Variants in RC3H2 observed in about 807,000 individuals in gnomAD.
RC3H2 encodes the protein roquin-2.
A neutral mutation model predicts 133.3 loss-of-function variants in RC3H2; 31 were observed. The observed-to-expected ratio is 0.23, with a 90% CI of 0.17 to 0.31. The LOEUF (loss-of-function observed/expected upper bound fraction) is 0.31. Ranked by LOEUF, RC3H2 falls within the 10% of genes least tolerant of loss-of-function variation. The probability of loss-of-function intolerance (pLI) is 1.00; values close to 1 mark genes in which losing one functional copy is unlikely to be tolerated. For synonymous variants in RC3H2, 517 were observed against 502.2 expected (o/e 1.03, Z -0.40); for missense variants, 1,175 against 1,437.2 (o/e 0.82, Z 2.95).
At chr9:122,888,996 A>G (rs1021863913) in intron 4 of RC3H2, among the ~76,000 whole-genome samples, 9 of 152,224 alleles carry the variant, frequency 5.9e-5, no homozygotes, top group Non-Finnish European at 1.3e-4. Flanking sequence ...AGACTTTAAG[A>G]TTCTGCCAAT....
At chr9:122,869,799 A>T (rs1281235641) in intron 9 of RC3H2, among the ~76,000 whole-genome samples, 1 of 152,024 alleles carries the variant, frequency 6.6e-6, no homozygotes, top group African/African-American at 2.4e-5. Flanking sequence ...CAAACTCCTG[A>T]CCTCAAGTGA....
Position 122,897,328 on chromosome 9 carries a change from A to G in RC3H2, c.182T>C (p.Ile61Thr). The G allele has an allele frequency of 6.2e-7, 1 of 1,614,212 alleles. No individual in the cohort carries two copies. Among genetic ancestry groups the G allele is most frequent in the Admixed American group, 1.7e-5 (1 of 60,024 alleles). The change falls in exon 2 of 21, where the codon ATT becomes ACT. Residue 61 changes from isoleucine to threonine, a missense_variant. Physicochemically the swap from Ile to Thr is moderately conservative, Grantham distance 89. Coordinates refer to ENST00000357244, the MANE Select transcript of RC3H2 (RefSeq NM_001100588.3). The part of the protein sequence containing the change: ...PFDQTAINTD[I>T]DVLPVNFALL... ...TGCGAAGTTGACAGGAAGTACATCA[A>G]TATCTGTGTTGATGGCAGTCTGGTC...
chr9:122,872,137 G>A (rs1047384507), intron 9 of RC3H2, among the ~76,000 whole-genome samples: 1 of 152,162 alleles, frequency 6.6e-6, no homozygotes, highest in African/African-American at 2.4e-5. Context: ...ATGGCCAAGA[G>A]AACCACTGAT....
At chr9:122,896,173 G>C (rs1465668970) in intron 2 of RC3H2, among the ~76,000 whole-genome samples, 2 of 151,340 alleles carry the variant, frequency 1.3e-5, no homozygotes, top group Admixed American at 1.3e-4. Context: ...ATTCAAAGCT[G>C]TCCTGGGCTG....
At position 122,854,058 on chromosome 9, in the gene RC3H2, C is replaced by T; in HGVS notation, c.3011G>A (p.Arg1004Lys). The change falls in exon 18 of 21, where the codon AGA becomes AAA. Residue 1004 changes from arginine to lysine, a missense_variant. Physicochemically the swap from Arg to Lys is conservative, Grantham distance 26. Coordinates refer to ENST00000357244, the MANE Select transcript of RC3H2 (RefSeq NM_001100588.3). ...TTGCATGGCCAAAGCATTGGCCTCT[C>T]TCTGAAGAAGTAATGAGTTGCTCTT... is the stretch of plus-strand genomic sequence containing the variant. ...QAKSNSLLLQ[R>K]EANALAMQQK... 1 of 1,614,070 alleles carries T rather than the reference C, an allele frequency of 6.2e-7. No individual in the cohort carries two copies. Among genetic ancestry groups the T allele is most frequent in the Non-Finnish European group, 8.5e-7 (1 of 1,180,038 alleles).
At chr9:122,855,435 G>T (rs374287508) in intron 14 of RC3H2, 38 bp from the exon 15 acceptor site, 1 of 1,550,370 alleles carries the variant, frequency 6.5e-7, no homozygotes, top group Non-Finnish European at 8.9e-7. Context: ...AGGACTGTTG[G>T]CAATTACTTC....
chr9:122,868,839 ATGTGTGTGTGTGTGTGTGTG>A (rs36205979), intron 9 of RC3H2, among the ~76,000 whole-genome samples: 7,323 of 118,934 alleles, frequency 0.062, 487 homozygotes, highest in Middle Eastern at 0.11. Flanking sequence ...TCCCTCCTAT[ATGTGTGTGTGTGTGTGTGTG>A]TGTGTGTGTG....
chr9:122,899,363 T>G (rs1241629309), intron 1 of RC3H2, among the ~76,000 whole-genome samples: 1 of 152,092 alleles, frequency 6.6e-6, no homozygotes, highest in African/African-American at 2.4e-5. Context: ...GTGCTGGGAT[T>G]GCAGGCGTGA....
chr9:122,904,183 T>G (rs765284341), intron 1 of RC3H2, among the ~76,000 whole-genome samples: 2 of 151,406 alleles, frequency 1.3e-5, no homozygotes, highest in Non-Finnish European at 2.9e-5. Flanking sequence ...AGAGTAGAAA[T>G]GAAAAAAAGG....
At chr9:122,851,577 G>A (rs1347718209) in intron 18 of RC3H2, 141 bp from the exon 19 acceptor site, 3 of 1,118,544 alleles carry the variant, frequency 2.7e-6, no homozygotes, top group Admixed American at 2.7e-5. Context: ...CTGCCATCTC[G>A]GCTCACTGCA....
intron 3 of RC3H2, among the ~76,000 whole-genome samples, chr9:122,892,587 A>G (rs940525905): frequency 2.6e-5 from 4 of 151,870 alleles, no homozygotes; most frequent in African/African-American, 2.4e-5. Flanking sequence ...AATTTTTTGT[A>G]TTTTTAGTAG....
rs1832380454 is a variant in RC3H2, at chr9:122,895,503, T to C, written c.231+1776A>G. Among the ~76,000 whole-genome samples the C allele has an allele frequency of 4.6e-5, 7 of 152,146 alleles. No homozygotes were observed. In the South Asian group the frequency reaches 1.0e-3, roughly 23 times the overall value. ...TTCTTACAAAAAGTCTATGATATTT[T>C]ATCAAATCTAAAATGTTGTTTGCAA... is the stretch of plus-strand genomic sequence containing the variant. On this transcript the variant is annotated intron_variant, in intron 2 of 20. Transcript: ENST00000357244.
intron 10 of RC3H2, 137 bp from the exon 11 acceptor site, chr9:122,860,268 G>A: frequency 3.1e-6 from 2 of 650,542 alleles, no homozygotes; most frequent in African/African-American, 3.7e-5. Context: ...TGACAAATAA[G>A]GCAATGAATT....
intron 2 of RC3H2, among the ~76,000 whole-genome samples, chr9:122,896,762 C>T (rs1193904679): frequency 6.6e-6 from 1 of 152,026 alleles, no homozygotes; most frequent in African/African-American, 2.4e-5. Context: ...GTGGCTCACA[C>T]CTGTAGTCCT....
At chr9:122,862,813 T>C (rs1464523956) in intron 10 of RC3H2, among the ~76,000 whole-genome samples, 3 of 149,460 alleles carry the variant, frequency 2.0e-5, no homozygotes, top group African/African-American at 5.0e-5. Flanking sequence ...GAGAATTGCT[T>C]GAACCTGGCA....
At chr9:122,868,110 A>G (rs1190114249) in intron 9 of RC3H2, among the ~76,000 whole-genome samples, 13 of 141,576 alleles carry the variant, frequency 9.2e-5, no homozygotes, top group Admixed American at 7.6e-4. Flanking sequence ...CCCGTCCAGG[A>G]GGGAGGTGGG....
chr9:122,871,943 AT>A (rs1275923097), intron 9 of RC3H2, among the ~76,000 whole-genome samples: 75 of 145,130 alleles, frequency 5.2e-4, no homozygotes, highest in Non-Finnish European at 4.7e-4. Flanking sequence ...TGCCCAGCCA[AT>A]TTTTTTTTTT....
intron 1 of RC3H2, among the ~76,000 whole-genome samples, chr9:122,899,190 C>T (rs1383522080): frequency 7.0e-6 from 1 of 143,012 alleles, no homozygotes; most frequent in Admixed American, 7.4e-5. Context: ...GCAACCTCTG[C>T]CTCCCAGGTT....
At position 122,857,795 on chromosome 9, in the gene RC3H2, G is replaced by T. The variant is rs531844810; in HGVS notation, c.2454+128C>A. 2.6e-3 allele frequency: 1,903 copies of T among 734,546 alleles called. 15 individuals carry two copies. The highest frequency in any genetic ancestry group is 3.0e-3 in the Non-Finnish European group (1,331 of 450,470). The allele number at this position is 734,546 out of a possible 1,614,324, so 45.5% of individuals were successfully genotyped here. On this transcript the variant is annotated intron_variant, in intron 13 of 20. Transcript: ENST00000357244. Reference sequence around the variant, plus strand: ...AGTGCATTTATATTCAGTGTTTATTGAACTAAACTCAATTGCACACCAAAC... The same window carrying T: ...AGTGCATTTATATTCAGTGTTTATTTAACTAAACTCAATTGCACACCAAAC...
Sources: allele counts gnomAD v4.1 joint callset (sites outside exome capture counted in the v4.1 genomes callset), GRCh38; gene constraint gnomAD v4.1.1; transcripts MANE v1.5; gene names NCBI Gene and HGNC (gene_info 2026-07-23, HGNC 2026-07-21).